The following ACER1 variants were observed in gnomAD, a reference collection of about 807,000 sequenced individuals.
The protein encoded by ACER1 is CTB-180A7.3.
A neutral mutation model predicts 24.9 loss-of-function variants in ACER1; 28 were observed. The ratio of observed to expected loss-of-function variants is 1.13; its 90% CI spans 0.83 to 1.54. The LOEUF (loss-of-function observed/expected upper bound fraction) is 1.54. Among genes scored for constraint, ACER1 ranks in the 40% most tolerant of loss-of-function variants. The probability of loss-of-function intolerance (pLI) is 0.00; values close to 1 mark genes in which losing one functional copy is unlikely to be tolerated. For missense variants in ACER1, 352 were observed against 349.3 expected (o/e 1.01, Z -0.06); for synonymous variants, 132 against 131.4 (o/e 1.00, Z -0.03).
At chr19:6,318,387 T>C (rs919004505) in intron 1 of ACER1, among the ~76,000 whole-genome samples, 17 of 151,840 alleles carry the variant, frequency 1.1e-4, no homozygotes, top group Non-Finnish European at 1.5e-4. Flanking sequence ...GAGAATCGCT[T>C]GAACCTGGGA....
intron 1 of ACER1, among the ~76,000 whole-genome samples, chr19:6,331,507 T>C (rs2091686968): frequency 6.7e-6 from 1 of 148,516 alleles, no homozygotes; most frequent in African/African-American, 2.5e-5. Flanking sequence ...AACTAAGCAC[T>C]ACGAGGCCGG....
the ACER1 span, among the ~76,000 whole-genome samples, chr19:6,352,900 T>C: frequency 3.9e-5 from 6 of 152,354 alleles, no homozygotes; most frequent in South Asian, 1.2e-3. Context: ...GTAACAGTGA[T>C]GACAGCTTCT....
At chr19:6,347,767 TG>T in the ACER1 span, among the ~76,000 whole-genome samples, 1 of 151,698 alleles carries the variant, frequency 6.6e-6, no homozygotes, top group East Asian at 2.0e-4. Context: ...ACCCAGGAGG[TG>T]GAGGCTGCAG....
At chr19:6,312,833 G>C (rs1015953728) in intron 1 of ACER1, among the ~76,000 whole-genome samples, 4 of 150,942 alleles carry the variant, frequency 2.7e-5, no homozygotes, top group Non-Finnish European at 5.9e-5. Context: ...GTGCCACCAC[G>C]CCCAGCTAAT....
intron 1 of ACER1, among the ~76,000 whole-genome samples, chr19:6,320,130 G>T (rs981583236): frequency 1.4e-5 from 2 of 145,292 alleles, no homozygotes; most frequent in Non-Finnish European, 3.0e-5. Context: ...AGGAAAGAAA[G>T]AAAAGTTTGT....
At position 6,309,777 on chromosome 19, in the gene ACER1, G is replaced by T. The variant is rs1395015053; in HGVS notation, c.408C>A (p.Phe136Leu). ...ITTVVSTLLS[F>L]LRPTVNAYAL... ...CGTAGGCGTTGACCGTGGGCCGCAG[G>T]AAGGACAGAAGGGTGCTGACCACAG... Residue 136 changes from phenylalanine to leucine, a missense_variant, in exon 4 of 6, where the codon TTC becomes TTA. Coordinates refer to ENST00000301452, the MANE Select transcript of ACER1 (RefSeq NM_133492.3). 1 of 1,614,004 alleles carries T rather than the reference G, an allele frequency of 6.2e-7. No homozygotes were observed. The highest frequency in any genetic ancestry group is 8.5e-7 in the Non-Finnish European group (1 of 1,180,016).
the ACER1 span, chr19:6,343,940 A>G: frequency 6.6e-6 from 1 of 152,222 alleles, no homozygotes; most frequent in East Asian, 1.9e-4. Flanking sequence ...TTCTGGTACA[A>G]GATTATTCAG....
upstream of ACER1, among the ~76,000 whole-genome samples, chr19:6,338,215 T>A (rs2091722492): frequency 6.6e-6 from 1 of 152,162 alleles, no homozygotes; most frequent in Admixed American, 6.6e-5. Context: ...CAATGTCAAT[T>A]TCCTGGGCTC....
intron 1 of ACER1, among the ~76,000 whole-genome samples, chr19:6,324,525 A>G (rs1008354214): frequency 6.6e-6 from 1 of 150,634 alleles, no homozygotes; most frequent in Non-Finnish European, 1.5e-5. Context: ...TGGGAGGCCG[A>G]GGCGGGCAGA....
At chr19:6,310,519 A>G (rs2091574005) in intron 3 of ACER1, among the ~76,000 whole-genome samples, 1 of 152,020 alleles carries the variant, frequency 6.6e-6, no homozygotes, top group Non-Finnish European at 1.5e-5. Context: ...TCAGTGGGCC[A>G]AGATCACGCC....
At chr19:6,335,329 A>G (rs2091709516), upstream of ACER1, among the ~76,000 whole-genome samples, 1 of 150,098 alleles carries the variant, frequency 6.7e-6, no homozygotes, top group African/African-American at 2.5e-5. Flanking sequence ...AGTTCAAGCA[A>G]TTCTCCTGCC....
the ACER1 span, among the ~76,000 whole-genome samples, chr19:6,351,101 T>C: frequency 6.6e-6 from 1 of 152,140 alleles, no homozygotes; most frequent in Non-Finnish European, 1.5e-5. Context: ...GTGTGGTGGC[T>C]CACGCCTGTA....
the ACER1 span, among the ~76,000 whole-genome samples, chr19:6,342,959 T>G: frequency 6.6e-6 from 1 of 151,982 alleles, no homozygotes; most frequent in Non-Finnish European, 1.5e-5. Flanking sequence ...GTATCTTTAG[T>G]AGAGACAGGG....
chr19:6,348,761 G>T, the ACER1 span, among the ~76,000 whole-genome samples: 1 of 151,952 alleles, frequency 6.6e-6, no homozygotes, highest in Non-Finnish European at 1.5e-5. Flanking sequence ...AGTTGTCAAA[G>T]AAAGAAGCAC....
At chr19:6,341,309 C>CA in the ACER1 span, among the ~76,000 whole-genome samples, 13 of 148,976 alleles carry the variant, frequency 8.7e-5, no homozygotes, top group South Asian at 2.0e-3. Flanking sequence ...GACTCCATCT[C>CA]AAAAAAAACA....
the ACER1 span, among the ~76,000 whole-genome samples, chr19:6,339,282 C>G: frequency 1.3e-5 from 2 of 152,096 alleles, no homozygotes; most frequent in East Asian, 3.9e-4. Context: ...TTATTCAGCC[C>G]TGAAAAAGGA....
the ACER1 span, among the ~76,000 whole-genome samples, chr19:6,349,462 A>AGG: frequency 7.5e-6 from 1 of 133,004 alleles, no homozygotes; most frequent in Non-Finnish European, 1.6e-5. Flanking sequence ...GGAAGGAAGG[A>AGG]AGGAAAGAAG....
the ACER1 span, among the ~76,000 whole-genome samples, chr19:6,352,881 C>T: frequency 6.6e-6 from 1 of 152,142 alleles, no homozygotes; most frequent in African/African-American, 2.4e-5. Context: ...TGCATTCATT[C>T]CAGAGAAGGT....
upstream of ACER1, among the ~76,000 whole-genome samples, chr19:6,335,744 T>C (rs2091711679): frequency 6.6e-6 from 1 of 151,180 alleles, no homozygotes; most frequent in African/African-American, 2.4e-5. Flanking sequence ...GGCAGGAGAA[T>C]GGCATGAACC....
Sources: allele counts gnomAD v4.1 joint callset (sites outside exome capture counted in the v4.1 genomes callset), GRCh38; gene constraint gnomAD v4.1.1; transcripts MANE v1.5; gene names NCBI Gene and HGNC (gene_info 2026-07-23, HGNC 2026-07-21).